Variants in LPP observed in about 807,000 individuals in gnomAD.
LPP encodes the protein LIM domain containing preferred translocation partner in lipoma, also known as lipoma-preferred partner.
In LPP, 38 loss-of-function variants were observed where a neutral mutation model predicts 60.4. That is an observed-to-expected ratio of 0.63 (90% confidence interval 0.49 to 0.83). LPP has a LOEUF of 0.83. Among genes scored for constraint, LPP ranks in the 40% least tolerant of loss-of-function variants. LPP has a pLI of 0.00. For synonymous variants in LPP, 328 were observed against 290.8 expected (o/e 1.13, Z -1.30); for missense variants, 902 against 783.6 (o/e 1.15, Z -1.80).
rs1215049226 is a variant in LPP at position 188,874,815 on chromosome 3, T to A, written c.*336T>A. On this transcript the variant is annotated 3_prime_UTR_variant, in exon 12 of 12. Transcript: ENST00000617246. ...TCTGGTTGAATGGCTTTTCTTAGTG[T>A]GGTATTTGCTGTCACATAGTTTTTC... The A allele has an allele frequency of 1.6e-5, 4 of 251,898 alleles. No individual in the cohort carries two copies. Among genetic ancestry groups the A allele is most frequent in the Non-Finnish European group, 3.1e-5 (4 of 129,374 alleles). 15.6% of individuals were successfully genotyped at this position (251,898 alleles called of 1,614,324 possible).
chr3:188,534,731 C>T (rs1278411698), intron 6 of LPP, among the ~76,000 whole-genome samples: 2 of 152,190 alleles, frequency 1.3e-5, no homozygotes. Flanking sequence ...TTGACATCTA[C>T]TTCTTTATAT....
chr3:188,344,349 T>C (rs1394479642), intron 3 of LPP, among the ~76,000 whole-genome samples: 1 of 152,238 alleles, frequency 6.6e-6, no homozygotes, highest in African/African-American at 2.4e-5. Context: ...AAATTACCTC[T>C]GTAATAACCT....
intron 7 of LPP, among the ~76,000 whole-genome samples, chr3:188,640,991 T>C (rs939977575): frequency 5.3e-5 from 8 of 152,274 alleles, no homozygotes; most frequent in African/African-American, 1.4e-4. Flanking sequence ...ACTCTCATTC[T>C]AGTTTATTCT....
intron 4 of LPP, among the ~76,000 whole-genome samples, chr3:188,448,041 C>G (rs143446830): frequency 2.0e-5 from 3 of 152,218 alleles, no homozygotes; most frequent in African/African-American, 7.2e-5. Context: ...AAGCTATCAA[C>G]TCAAAATATA....
In LPP at chr3:188,881,252, T is replaced by C. The variant is rs1356302447; in HGVS notation, c.*6773T>C. ...CTTCTTAGTCCTGGCCAGTATGTAG[T>C]TGCGCTCACATACGTCTATTCTAGC... On this transcript the variant is annotated 3_prime_UTR_variant, in exon 12 of 12. Transcript: ENST00000617246. 1 of 187,264 alleles carries C rather than the reference T, an allele frequency of 5.3e-6. No individual in the cohort carries two copies. Among genetic ancestry groups the C allele is most frequent in the Non-Finnish European group, 1.1e-5 (1 of 88,502 alleles). The allele number at this position is 187,264 out of a possible 1,614,324, so 11.6% of individuals were successfully genotyped here. A position where few individuals can be genotyped will look rare whatever the true frequency, so the allele number is the denominator to read the frequency against.
chr3:188,178,624 A>C (rs1322499634), intron 1 of LPP: 1 of 152,364 alleles, frequency 6.6e-6, no homozygotes, highest in Non-Finnish European at 1.5e-5. Flanking sequence ...AGTCAATGTG[A>C]GAATCTTTCA....
chr3:188,870,553 A>T (rs1435423003), intron 10 of LPP, among the ~76,000 whole-genome samples: 1 of 152,232 alleles, frequency 6.6e-6, no homozygotes, highest in Non-Finnish European at 1.5e-5. Context: ...ATACTTCCTC[A>T]TAATGTTGCT....
chr3:188,380,083 C>T (rs2148526818), intron 3 of LPP, among the ~76,000 whole-genome samples: 1 of 152,230 alleles, frequency 6.6e-6, no homozygotes, highest in South Asian at 2.1e-4. Context: ...GCTGTAAGGT[C>T]CCCCAGGTTG....
intron 3 of LPP, among the ~76,000 whole-genome samples, chr3:188,349,164 C>T (rs1017398316): frequency 6.6e-5 from 10 of 152,204 alleles, no homozygotes; most frequent in Non-Finnish European, 8.8e-5. Context: ...TACCCTATTA[C>T]TCAATTCCTA....
At chr3:188,587,745 G>A (rs910824834) in intron 6 of LPP, among the ~76,000 whole-genome samples, 2 of 152,144 alleles carry the variant, frequency 1.3e-5, no homozygotes, top group Admixed American at 1.3e-4. Context: ...AATAAGTTGC[G>A]AATCTTGTAG....
intron 7 of LPP, among the ~76,000 whole-genome samples, chr3:188,624,059 T>C (rs1846317088): frequency 6.6e-6 from 1 of 152,210 alleles, no homozygotes; most frequent in Admixed American, 6.5e-5. Flanking sequence ...TTCTGATAGA[T>C]GCAAGACAAG....
chr3:188,769,695 C>T (rs1735243574), intron 9 of LPP, among the ~76,000 whole-genome samples: 2 of 152,132 alleles, frequency 1.3e-5, no homozygotes, highest in South Asian at 2.1e-4. Flanking sequence ...GACTAGAAAC[C>T]ATGAGTCTTC....
intron 3 of LPP, among the ~76,000 whole-genome samples, chr3:188,361,793 C>T (rs1769497325): frequency 6.6e-6 from 1 of 152,104 alleles, no homozygotes; most frequent in Admixed American, 6.5e-5. Flanking sequence ...GTCTCGAACT[C>T]CTGACCTCAA....
In LPP at chr3:188,305,758, C is replaced by T. The variant is rs563633211; in HGVS notation, c.-66-35905C>T. Among the ~76,000 whole-genome samples, 16 of 152,204 alleles carry T rather than the reference C, an allele frequency of 1.1e-4. No homozygotes were observed. In the East Asian group the frequency reaches 1.2e-3, roughly 11 times the overall value. Reference sequence around the variant, plus strand: ...TTCAGAGTCTGAAACACACAGCGACCGAAAGTATTTGGGATGGATGATGCC... The same window carrying T: ...TTCAGAGTCTGAAACACACAGCGACTGAAAGTATTTGGGATGGATGATGCC... On this transcript the variant is annotated intron_variant, in intron 2 of 11. Coordinates refer to ENST00000617246, the MANE Select transcript of LPP (RefSeq NM_001375462.1).
chr3:188,724,320 A>G (rs1248102736), intron 8 of LPP, among the ~76,000 whole-genome samples: 1 of 152,198 alleles, frequency 6.6e-6, no homozygotes, highest in African/African-American at 2.4e-5. Context: ...AGCTAGCCAA[A>G]GCCTGGAAAA....
At chr3:188,448,775 C>T (rs1196232411) in intron 4 of LPP, among the ~76,000 whole-genome samples, 7 of 152,134 alleles carry the variant, frequency 4.6e-5, no homozygotes, top group Non-Finnish European at 1.0e-4. Flanking sequence ...GCATTTTGCA[C>T]TATTTCTTAG....
intron 7 of LPP, among the ~76,000 whole-genome samples, chr3:188,700,309 A>G (rs1183139162): frequency 6.6e-6 from 1 of 152,190 alleles, no homozygotes; most frequent in Non-Finnish European, 1.5e-5. Context: ...AACAGCAGGT[A>G]AGCACTCAAG....
chr3:188,597,538 A>C (rs1017108263), intron 6 of LPP, among the ~76,000 whole-genome samples: 4 of 152,138 alleles, frequency 2.6e-5, no homozygotes, highest in Non-Finnish European at 5.9e-5. Context: ...AAACTAGTGA[A>C]CCACACTCTC....
chr3:188,242,456 A>G, intron 2 of LPP, among the ~76,000 whole-genome samples: 1 of 152,162 alleles, frequency 6.6e-6, no homozygotes, highest in East Asian at 1.9e-4. Context: ...GCAGGAGAGT[A>G]GAGCTCTGAC....
Sources: gnomAD v4.1 joint callset for allele counts (sites outside exome capture counted in the v4.1 genomes callset) on GRCh38, gnomAD v4.1.1 for gene constraint, MANE v1.5 for transcripts, NCBI Gene and HGNC (gene_info 2026-07-23, HGNC 2026-07-21) for gene names.